The following AGBL1 variants were observed in gnomAD, a reference collection of about 807,000 sequenced individuals.
The protein encoded by AGBL1 is cytosolic carboxypeptidase 4.
In AGBL1, 130 loss-of-function variants were observed where a neutral mutation model predicts 118.9. That is an observed-to-expected ratio of 1.09 (90% CI 0.95 to 1.26). The LOEUF is 1.26. AGBL1 is among the 50% of genes most tolerant of loss of function. The probability of loss-of-function intolerance (pLI) is 0.00; values close to 1 mark genes in which losing one functional copy is unlikely to be tolerated. For missense variants in AGBL1, 1,584 were observed against 1,298.1 expected (o/e 1.22, Z -3.38); for synonymous variants, 555 against 478.9 (o/e 1.16, Z -2.08).
intron 22 of AGBL1, among the ~76,000 whole-genome samples, chr15:86,841,359 G>C (rs1020221660): frequency 1.3e-5 from 2 of 152,266 alleles, no homozygotes; most frequent in East Asian, 1.9e-4. Context: ...TGATGAAATA[G>C]GTGCACAATT....
At chr15:86,272,442 T>C (rs8029819) in intron 15 of AGBL1, among the ~76,000 whole-genome samples, 4,724 of 152,230 alleles carry the variant, frequency 0.031, 259 homozygotes, top group African/African-American at 0.11. Context: ...TCAGTGCTAG[T>C]TTCTTTTAAA....
intron 20 of AGBL1, among the ~76,000 whole-genome samples, 184 bp downstream of exon 20, chr15:86,546,317 T>C (rs2083581476): frequency 6.6e-6 from 1 of 152,126 alleles, no homozygotes; most frequent in Non-Finnish European, 1.5e-5. Flanking sequence ...TCCTAATTTT[T>C]GTTGAATAAT....
At chr15:86,135,920 T>C (rs2076882847) in intron 1 of AGBL1, among the ~76,000 whole-genome samples, 1 of 152,194 alleles carries the variant, frequency 6.6e-6, no homozygotes. Context: ...TGTGGAATAC[T>C]TGATCTGGGG....
intron 5 of AGBL1, among the ~76,000 whole-genome samples, chr15:86,208,489 A>T (rs1408601671): frequency 1.3e-5 from 2 of 152,178 alleles, no homozygotes; most frequent in African/African-American, 2.4e-5. Context: ...TATTGCCTCA[A>T]TTTCAGAGCC....
At chr15:86,321,491 G>A (rs367612341) in intron 17 of AGBL1, among the ~76,000 whole-genome samples, 1 of 152,068 alleles carries the variant, frequency 6.6e-6, no homozygotes, top group South Asian at 2.1e-4. Flanking sequence ...CAGAGAGGCC[G>A]GGTGCAGTGG....
At chr15:86,178,323 C>T (rs953988941) in intron 5 of AGBL1, among the ~76,000 whole-genome samples, 5 of 152,020 alleles carry the variant, frequency 3.3e-5, no homozygotes, top group African/African-American at 1.2e-4. Flanking sequence ...ACAAAACAAA[C>T]AAACAAACAA....
rs150325357 is a variant in AGBL1 at position 86,646,058 on chromosome 15, G to A, written c.2995-28215G>A. Among the ~76,000 whole-genome samples, 580 of 152,280 alleles carry A rather than the reference G, an allele frequency of 3.8e-3. 4 individuals carry two copies. Among genetic ancestry groups the A allele is most frequent in the African/African-American group, 0.013 (559 of 41,562 alleles). On this transcript the variant is annotated intron_variant, in intron 21 of 22. Coordinates refer to ENST00000614907, the MANE Select transcript of AGBL1 (RefSeq NM_001386094.1). ...TATCCCTGCTCTCTTTCCCAGCCAG[G>A]TTGGGAGTGTATCTTGGCGTGTAGC...
At chr15:86,813,760 A>G (rs1417422182) in intron 22 of AGBL1, among the ~76,000 whole-genome samples, 1 of 152,248 alleles carries the variant, frequency 6.6e-6, no homozygotes, top group Non-Finnish European at 1.5e-5. Flanking sequence ...CAGAGGATTC[A>G]GGGCTATTCA....
chr15:86,644,721 C>T (rs373558833), intron 21 of AGBL1, among the ~76,000 whole-genome samples: 9 of 151,628 alleles, frequency 5.9e-5, no homozygotes, highest in Admixed American at 1.3e-4. Context: ...TTAAAGGAGA[C>T]GTGGCTGGGC....
At chr15:86,758,805 C>G (rs984281569) in intron 22 of AGBL1, among the ~76,000 whole-genome samples, 1 of 151,382 alleles carries the variant, frequency 6.6e-6, no homozygotes, top group Non-Finnish European at 1.5e-5. Flanking sequence ...AACCCTGTCT[C>G]TACAAAAAAA....
chr15:86,400,130 A>G (rs2081422888), intron 18 of AGBL1, among the ~76,000 whole-genome samples: 1 of 152,044 alleles, frequency 6.6e-6, no homozygotes, highest in Non-Finnish European at 1.5e-5. Context: ...TTTCTGCTTG[A>G]ACTAGTTCTG....
intron 19 of AGBL1, among the ~76,000 whole-genome samples, chr15:86,524,865 T>G (rs1021168335): frequency 1.3e-5 from 2 of 152,188 alleles, no homozygotes; most frequent in African/African-American, 4.8e-5. Context: ...TGGATTCTTT[T>G]CTCTTAAGAA....
At chr15:86,567,670 G>C (rs1228056294) in intron 21 of AGBL1, among the ~76,000 whole-genome samples, 1 of 152,152 alleles carries the variant, frequency 6.6e-6, no homozygotes, top group Non-Finnish European at 1.5e-5. Flanking sequence ...ATCTTTGAAT[G>C]GGGGAGGAGG....
At chr15:86,946,586 G>T (rs900995179) in intron 23 of AGBL1, among the ~76,000 whole-genome samples, 2 of 152,046 alleles carry the variant, frequency 1.3e-5, no homozygotes, top group African/African-American at 4.8e-5. Context: ...AGGGGCTCAA[G>T]CCTGTAATCT....
At chr15:86,835,198 A>G (rs2079154408) in intron 22 of AGBL1, among the ~76,000 whole-genome samples, 1 of 152,128 alleles carries the variant, frequency 6.6e-6, no homozygotes, top group African/African-American at 2.4e-5. Context: ...TGAGAAACTG[A>G]GGCAAAAAGA....
intron 24 of AGBL1, among the ~76,000 whole-genome samples, chr15:87,023,026 C>T (rs2081683725): frequency 6.6e-6 from 1 of 151,924 alleles, no homozygotes; most frequent in African/African-American, 2.4e-5. Context: ...AAGCATAAAT[C>T]TCACAGGACC....
chr15:86,754,118 G>C (rs143339564), intron 22 of AGBL1, among the ~76,000 whole-genome samples: 18 of 152,138 alleles, frequency 1.2e-4, no homozygotes, highest in Non-Finnish European at 2.2e-4. Context: ...TAGTAGAAGA[G>C]CTCTAACTAT....
intron 19 of AGBL1, among the ~76,000 whole-genome samples, chr15:86,541,486 G>A (rs1370166748): frequency 6.6e-6 from 1 of 151,408 alleles, no homozygotes; most frequent in African/African-American, 2.4e-5. Context: ...TAGCTACTTT[G>A]GAGGCTGAGG....
rs112960270 is a variant in AGBL1, at chr15:86,731,270, A to G, written c.3158+56834A>G. Among the ~76,000 whole-genome samples the G allele has an allele frequency of 3.0e-4, 46 of 152,322 alleles. 2 individuals carry two copies. The highest frequency in any genetic ancestry group is 1.1e-3 in the African/African-American group (44 of 41,572). ...TTTTACATTGACCATCCTAGAAAGA[A>G]GTCTCACGTACCTGAAAGTCTCTCG... is the stretch of plus-strand genomic sequence containing the variant. On this transcript the variant is annotated intron_variant, in intron 22 of 22. Transcript: ENST00000614907.
Sources: gnomAD v4.1 joint callset for allele counts (sites outside exome capture counted in the v4.1 genomes callset) on GRCh38, gnomAD v4.1.1 for gene constraint, MANE v1.5 for transcripts, NCBI Gene and HGNC (gene_info 2026-07-23, HGNC 2026-07-21) for gene names.